DNAJC3: variants seen among roughly 807,000 people sequenced by gnomAD.
DNAJC3 encodes the protein DnaJ heat shock protein family (Hsp40) member C3.
Under a neutral mutation model 68.6 loss-of-function variants are expected in DNAJC3, and 38 were observed. The ratio of observed to expected loss-of-function variants is 0.55; its 90% CI spans 0.43 to 0.73. The LOEUF is 0.73. DNAJC3 is among the 30% of genes least tolerant of loss of function. The probability of loss-of-function intolerance (pLI) is 0.00; values close to 1 mark genes in which losing one functional copy is unlikely to be tolerated. For missense variants in DNAJC3, 526 were observed against 591.9 expected (o/e 0.89, Z 1.16); for synonymous variants, 203 against 204.0 (o/e 1.00, Z 0.04).
At position 95,732,579 on chromosome 13, in the gene DNAJC3, A is replaced by C. The variant is rs1009786216; in HGVS notation, c.393+7327A>C. On this transcript the variant is annotated intron_variant, in intron 4 of 11. Coordinates refer to ENST00000602402, the MANE Select transcript of DNAJC3 (RefSeq NM_006260.5). ...GCCTTTTCTCGTTTTTTTCTTGGTT[A>C]ATCTAGCTTGTGGTTTATCAATTTG... is the stretch of plus-strand genomic sequence containing the variant. 2.6e-5 allele frequency among the ~76,000 whole-genome samples: 4 copies of C among 151,806 alleles called. No homozygotes were observed. The East Asian group carries it at 5.8e-4, about 22-fold the overall frequency.
chr13:95,748,689 G>C (rs1301939987), intron 4 of DNAJC3, among the ~76,000 whole-genome samples: 1 of 152,142 alleles, frequency 6.6e-6, no homozygotes, highest in Non-Finnish European at 1.5e-5. Context: ...GTTGGCACAC[G>C]CCTGTAATCC....
chr13:95,785,707 G>A (rs1045838213), intron 9 of DNAJC3, among the ~76,000 whole-genome samples: 4 of 150,876 alleles, frequency 2.7e-5, no homozygotes, highest in Admixed American at 1.3e-4. Context: ...CTCATGATCC[G>A]CCCACCTCGA....
At chr13:95,750,658 C>T (rs1247131678) in intron 4 of DNAJC3, among the ~76,000 whole-genome samples, 6 of 151,750 alleles carry the variant, frequency 4.0e-5, no homozygotes, top group African/African-American at 9.7e-5. Flanking sequence ...TACAGACCTG[C>T]GCCACCACTC....
chr13:95,712,568 G>A (rs1236533896), intron 2 of DNAJC3, among the ~76,000 whole-genome samples: 2 of 151,792 alleles, frequency 1.3e-5, no homozygotes, highest in African/African-American at 2.4e-5. Context: ...GTAGAGATGG[G>A]GTTTCACCAT....
chr13:95,746,483 A>T (rs1882310985), intron 4 of DNAJC3, among the ~76,000 whole-genome samples: 1 of 152,198 alleles, frequency 6.6e-6, no homozygotes, highest in Admixed American at 6.5e-5. Context: ...AGTTGAATAG[A>T]TGACATATTC....
At chr13:95,704,929 G>A (rs530729979) in intron 1 of DNAJC3, among the ~76,000 whole-genome samples, 4 of 146,684 alleles carry the variant, frequency 2.7e-5, no homozygotes, top group South Asian at 2.2e-4. Flanking sequence ...TCAGCTCACC[G>A]CAACCTCCAC....
rs1283731293 is a variant in DNAJC3, at chr13:95,794,330, GAAA to G, written c.*3304_*3306del. 6.6e-6 allele frequency: 1 copy of G among 152,150 alleles called. No individual in the cohort carries two copies. The allele number at this position is 152,150 out of a possible 1,614,324, so 9.4% of individuals were successfully genotyped here. A position where few individuals can be genotyped will look rare whatever the true frequency, so the allele number is the denominator to read the frequency against. ...AGAAGTTGTCTTTGACATTTACCAT[GAAA>G]AAACTACATAAAATGGCTCCCTGGT... On this transcript the variant is annotated 3_prime_UTR_variant, in exon 12 of 12. Coordinates refer to ENST00000602402, the MANE Select transcript of DNAJC3 (RefSeq NM_006260.5).
intron 9 of DNAJC3, among the ~76,000 whole-genome samples, chr13:95,783,309 C>T (rs1178592465): frequency 1.3e-5 from 2 of 152,124 alleles, no homozygotes; most frequent in Non-Finnish European, 2.9e-5. Context: ...AAAATGTGTT[C>T]ACCTTAAATT....
At chr13:95,788,792 C>G (rs1883677043) in intron 11 of DNAJC3, among the ~76,000 whole-genome samples, 1 of 152,190 alleles carries the variant, frequency 6.6e-6, no homozygotes, top group Admixed American at 6.5e-5. Context: ...CACTACTGTT[C>G]TAAGTGCTAA....
At chr13:95,729,270 C>T (rs1201645439) in intron 4 of DNAJC3, among the ~76,000 whole-genome samples, 1 of 104,372 alleles carries the variant, frequency 9.6e-6, no homozygotes, top group Non-Finnish European at 2.0e-5. Flanking sequence ...CCCTCTCCCT[C>T]TCCCCCTCCC....
chr13:95,694,700 G>C (rs996515135), intron 1 of DNAJC3: 3 of 152,542 alleles, frequency 2.0e-5, no homozygotes, highest in Admixed American at 6.6e-5. Flanking sequence ...TAATTCTCCA[G>C]ACCATCACAG....
At chr13:95,789,753 C>G (rs561965252) in intron 11 of DNAJC3, among the ~76,000 whole-genome samples, 5 of 151,704 alleles carry the variant, frequency 3.3e-5, no homozygotes, top group African/African-American at 1.2e-4. Context: ...AATGAATTTA[C>G]ACTGCCACCA....
chr13:95,720,246 T>G (rs897307779), intron 2 of DNAJC3, among the ~76,000 whole-genome samples: 11 of 152,226 alleles, frequency 7.2e-5, no homozygotes. Context: ...TTTGGACATA[T>G]GAAATTGATG....
intron 9 of DNAJC3, among the ~76,000 whole-genome samples, chr13:95,770,450 G>A (rs1883127600): frequency 1.3e-5 from 2 of 152,208 alleles, no homozygotes; most frequent in South Asian, 4.1e-4. Flanking sequence ...TATTTTCTTT[G>A]TATTTTACTG....
chr13:95,715,334 T>G (rs1446319225), intron 2 of DNAJC3, among the ~76,000 whole-genome samples: 2 of 152,122 alleles, frequency 1.3e-5, no homozygotes, highest in Non-Finnish European at 2.9e-5. Context: ...GCCCAGGAGT[T>G]TGAGGAGGCA....
At chr13:95,704,851 G>GTTTTTTTGTTTTTTT (rs1437981663) in intron 1 of DNAJC3, among the ~76,000 whole-genome samples, 3 of 97,850 alleles carry the variant, frequency 3.1e-5, no homozygotes, top group African/African-American at 1.2e-4. Flanking sequence ...GTGTGTGTGT[G>GTTTTTTTGTTTTTTT]TTTTTTTTTT....
intron 4 of DNAJC3, among the ~76,000 whole-genome samples, chr13:95,756,268 C>G (rs540618815): frequency 4.5e-4 from 69 of 152,224 alleles, no homozygotes; most frequent in African/African-American, 1.5e-3. Flanking sequence ...TCAAGACCAC[C>G]CTAAGGATGA....
intron 2 of DNAJC3, among the ~76,000 whole-genome samples, chr13:95,709,711 C>T (rs1880890086): frequency 6.9e-6 from 1 of 145,398 alleles, no homozygotes; most frequent in Non-Finnish European, 1.5e-5. Flanking sequence ...ACGATCTTGG[C>T]TCACTGAAAG....
intron 4 of DNAJC3, among the ~76,000 whole-genome samples, chr13:95,737,606 C>T (rs369588296): frequency 6.6e-6 from 1 of 151,884 alleles, no homozygotes; most frequent in Non-Finnish European, 1.5e-5. Context: ...AGTTTATTTG[C>T]GTAGAGGTGT....
Sources: gnomAD v4.1 joint callset for allele counts (sites outside exome capture counted in the v4.1 genomes callset) on GRCh38, gnomAD v4.1.1 for gene constraint, MANE v1.5 for transcripts, NCBI Gene and HGNC (gene_info 2026-07-23, HGNC 2026-07-21) for gene names.